Variants in SPECC1 observed in about 807,000 individuals in gnomAD.
SPECC1 encodes cytospin-B.
Under a neutral mutation model 104.1 loss-of-function variants are expected in SPECC1, and 62 were observed. The ratio of observed to expected loss-of-function variants is 0.60; its 90% CI spans 0.49 to 0.74. The LOEUF (loss-of-function observed/expected upper bound fraction) is 0.74, where lower values mean the gene tolerates loss of function less well. Among genes scored for constraint, SPECC1 ranks in the 30% least tolerant of loss-of-function variants. The pLI is 0.00. For missense variants in SPECC1, 1,306 were observed against 1,310.5 expected (o/e 1.00, Z 0.05); for synonymous variants, 513 against 501.6 (o/e 1.02, Z -0.30).
At chr17:20,311,378 T>TTTTTTGTTTTTG (rs532559442) in intron 14 of SPECC1, among the ~76,000 whole-genome samples, 219 of 151,810 alleles carry the variant, frequency 1.4e-3, no homozygotes, top group Middle Eastern at 6.8e-3. Context: ...AGTACATTTT[T>TTTTTTGTTTTTG]TTTTTGTTTT....
At chr17:20,272,881 T>C (rs759143717) in intron 12 of SPECC1, among the ~76,000 whole-genome samples, 9 of 152,276 alleles carry the variant, frequency 5.9e-5, no homozygotes, top group African/African-American at 1.7e-4. Flanking sequence ...GTTGATTTTA[T>C]CACCAAATCT....
At chr17:20,274,538 C>G (rs971627086) in intron 12 of SPECC1, among the ~76,000 whole-genome samples, 2 of 124,408 alleles carry the variant, frequency 1.6e-5, no homozygotes, top group African/African-American at 3.1e-5. Context: ...GAGGTAGTCT[C>G]AAAAAAGTCT....
At chr17:20,048,483 T>G (rs2045624148) in intron 1 of SPECC1, among the ~76,000 whole-genome samples, 1 of 151,922 alleles carries the variant, frequency 6.6e-6, no homozygotes, top group African/African-American at 2.4e-5. Context: ...GTTCAGCAAA[T>G]TCCTGTCTCA....
At position 20,263,534 on chromosome 17, in the gene SPECC1, G is replaced by A. The variant is rs548496561; in HGVS notation, c.2940+3240G>A. Among the ~76,000 whole-genome samples, 279 of 150,470 alleles carry A rather than the reference G, an allele frequency of 1.9e-3. 1 individual carries two copies. The highest frequency in any genetic ancestry group is 6.8e-3 in the Middle Eastern group (2 of 294). On this transcript the variant is annotated intron_variant, in intron 12 of 14. Coordinates refer to ENST00000395527, the MANE Select transcript of SPECC1 (RefSeq NM_001243439.2). ...AAAGTATAATAAAAATATATTAAAA[G>A]AAAATAAATAAATATCAAGAAGGAG...
At chr17:20,214,850 G>A (rs1323208755) in intron 4 of SPECC1, among the ~76,000 whole-genome samples, 2 of 152,212 alleles carry the variant, frequency 1.3e-5, no homozygotes, top group African/African-American at 2.4e-5. Context: ...GGGAGGCTCA[G>A]TAGGGTCAGG....
intron 3 of SPECC1, among the ~76,000 whole-genome samples, chr17:20,182,783 G>A (rs986098658): frequency 2.0e-5 from 3 of 152,200 alleles, no homozygotes; most frequent in South Asian, 4.1e-4. Context: ...AGAGAACCAA[G>A]GTGATGCATG....
At chr17:20,143,356 A>AGT (rs2031070930) in intron 3 of SPECC1, among the ~76,000 whole-genome samples, 1 of 150,686 alleles carries the variant, frequency 6.6e-6, no homozygotes, top group Non-Finnish European at 1.5e-5. Flanking sequence ...ACTGCACGCC[A>AGT]GCCTGGGTAA....
At chr17:20,040,202 C>G (rs919639479) in intron 1 of SPECC1, among the ~76,000 whole-genome samples, 2 of 151,454 alleles carry the variant, frequency 1.3e-5, no homozygotes, top group South Asian at 2.1e-4. Context: ...TATATACTTA[C>G]GTGTGTGTGT....
At chr17:20,124,946 C>T (rs374423558) in intron 3 of SPECC1, among the ~76,000 whole-genome samples, 48 of 152,162 alleles carry the variant, frequency 3.2e-4, no homozygotes, top group African/African-American at 9.9e-4. Context: ...TTTGGGAGGC[C>T]GAGGTGGGCG....
intron 1 of SPECC1, among the ~76,000 whole-genome samples, chr17:20,058,584 G>A (rs1346803591): frequency 1.3e-5 from 2 of 152,140 alleles, no homozygotes; most frequent in Non-Finnish European, 2.9e-5. Context: ...GCTGGGGCCT[G>A]GGTGATTGAG....
chr17:20,055,016 G>A (rs1857361962), intron 1 of SPECC1, among the ~76,000 whole-genome samples: 1 of 152,118 alleles, frequency 6.6e-6, no homozygotes, highest in Admixed American at 6.5e-5. Context: ...GTACAGTGTT[G>A]TACAGCTGAT....
At chr17:20,220,056 C>T (rs2037765111) in intron 4 of SPECC1, among the ~76,000 whole-genome samples, 1 of 152,008 alleles carries the variant, frequency 6.6e-6, no homozygotes, top group Admixed American at 6.6e-5. Context: ...TATGCCAGTA[C>T]CATGCTGTTT....
intron 3 of SPECC1, among the ~76,000 whole-genome samples, chr17:20,122,228 T>C (rs1300172986): frequency 1.3e-5 from 2 of 152,176 alleles, no homozygotes; most frequent in Non-Finnish European, 2.9e-5. Flanking sequence ...TTTTTTACTC[T>C]TGACTCCACT....
chr17:20,031,143 T>C (rs1159986770), intron 1 of SPECC1, among the ~76,000 whole-genome samples: 1 of 151,970 alleles, frequency 6.6e-6, no homozygotes, highest in Non-Finnish European at 1.5e-5. Context: ...TATAAGTATA[T>C]GCCACCATGC....
intron 3 of SPECC1, among the ~76,000 whole-genome samples, chr17:20,180,034 G>C (rs1204257238): frequency 2.0e-5 from 3 of 152,106 alleles, no homozygotes; most frequent in Non-Finnish European, 4.4e-5. Context: ...GGACTGGGGG[G>C]CATGGTTATT....
At chr17:20,016,943 C>A (rs977083503) in intron 1 of SPECC1, among the ~76,000 whole-genome samples, 1 of 152,224 alleles carries the variant, frequency 6.6e-6, no homozygotes, top group Non-Finnish European at 1.5e-5. Context: ...TGTAAATACA[C>A]CAGTCAGCAC....
rs770341438 is a variant in SPECC1, at chr17:20,232,232, G to A, written c.2178G>A (p.Ala726=). 21 of 1,614,050 alleles carry A rather than the reference G, an allele frequency of 1.3e-5. No homozygotes were observed. The highest frequency in any genetic ancestry group is 1.2e-4 in the African/African-American group (9 of 74,952). Residue 726 remains alanine, a synonymous_variant, in exon 7 of 15, where the codon GCG becomes GCA. Coordinates refer to ENST00000395527, the MANE Select transcript of SPECC1 (RefSeq NM_001243439.2). ...EETEEWRRFQ[A]DLQTAVVVAN... ...CCGAGGAATGGAGGCGGTTCCAGGCGGATCTGCAGACCGCAGTGGTGGTGG... is the reference window on the plus strand; with the variant it reads ...CCGAGGAATGGAGGCGGTTCCAGGCAGATCTGCAGACCGCAGTGGTGGTGG...
intron 1 of SPECC1, among the ~76,000 whole-genome samples, chr17:20,065,271 G>A (rs1161561782): frequency 6.6e-6 from 1 of 152,160 alleles, no homozygotes; most frequent in East Asian, 1.9e-4. Context: ...TACCTGGAGA[G>A]AGCATCAGAT....
chr17:20,151,178 G>A (rs890128507), intron 3 of SPECC1, among the ~76,000 whole-genome samples: 1 of 152,170 alleles, frequency 6.6e-6, no homozygotes, highest in African/African-American at 2.4e-5. Context: ...ATGATGGTTT[G>A]ACTTAGGATT....
Sources: allele counts gnomAD v4.1 joint callset (sites outside exome capture counted in the v4.1 genomes callset), GRCh38; gene constraint gnomAD v4.1.1; transcripts MANE v1.5; gene names NCBI Gene and HGNC (gene_info 2026-07-23, HGNC 2026-07-21).